The following RSRP1 variants were observed in gnomAD, a reference collection of about 807,000 sequenced individuals.
RSRP1 encodes arginine and serine rich protein 1.
A neutral mutation model predicts 33.0 loss-of-function variants in RSRP1; 37 were observed. The observed-to-expected ratio is 1.12, with a 90% CI of 0.86 to 1.48. RSRP1 has a LOEUF of 1.48. RSRP1 is among the 40% of genes most tolerant of loss of function. The pLI, the probability that RSRP1 is intolerant of heterozygous loss-of-function variation, is 0.00. For synonymous variants in RSRP1, 167 were observed against 158.7 expected, an observed-to-expected ratio of 1.05 and a Z score of -0.40; for missense variants, 402 against 385.3, an observed-to-expected ratio of 1.04 and a Z score of -0.36.
chr1:25,253,578 C>G (rs1639857338), intron 1 of RSRP1: 1 of 152,204 alleles, frequency 6.6e-6, no homozygotes, highest in African/African-American at 2.4e-5. Flanking sequence ...TCAGGCTGGT[C>G]TCGAACTCCC....
At chr1:25,315,017 A>G (rs945805661) in intron 1 of RSRP1, among the ~76,000 whole-genome samples, 2 of 129,616 alleles carry the variant, frequency 1.5e-5, no homozygotes, top group African/African-American at 5.3e-5. Context: ...ATCCTGGCCA[A>G]CATGGTGAAG....
At chr1:25,287,137 A>G (rs55646708) in intron 1 of RSRP1, among the ~76,000 whole-genome samples, 12,974 of 134,556 alleles carry the variant, frequency 0.096, 3,250 homozygotes, top group African/African-American at 0.31. Flanking sequence ...AATTCCCACC[A>G]GAATTCAATA....
At chr1:25,291,689 T>G (rs1642522181) in intron 1 of RSRP1, among the ~76,000 whole-genome samples, 1 of 132,468 alleles carries the variant, frequency 7.5e-6, no homozygotes, top group Non-Finnish European at 1.8e-5. Flanking sequence ...TCCAGCAAGT[T>G]TGTACAGCCA....
At chr1:25,255,133 G>A (rs969007094) in intron 1 of RSRP1, among the ~76,000 whole-genome samples, 2 of 152,100 alleles carry the variant, frequency 1.3e-5, no homozygotes, top group African/African-American at 4.8e-5. Flanking sequence ...ATTTAACTTC[G>A]GTGATGGCAC....
At chr1:25,258,165 A>C (rs942101218) in intron 1 of RSRP1, among the ~76,000 whole-genome samples, 1 of 152,060 alleles carries the variant, frequency 6.6e-6, no homozygotes, top group Admixed American at 6.6e-5. Flanking sequence ...CTACACTACA[A>C]AAATGCATAA....
rs1208943081 is a variant in RSRP1 at position 25,272,829 on chromosome 1, G to A, written c.-66-25800C>T. 42 of 1,134,720 alleles carry A rather than the reference G, an allele frequency of 3.7e-5. 8 individuals carry two copies. Among genetic ancestry groups the A allele is most frequent in the South Asian group, 3.7e-4 (28 of 76,018 alleles). The allele number at this position is 1,134,720 out of a possible 1,614,324, so 70.3% of individuals were successfully genotyped here. On this transcript the variant is annotated intron_variant, in intron 1 of 1. Coordinates refer to the RSRP1 transcript ENST00000561867. ...GAAAAAGATTCCCCCATCTTCTTCC[G>A]TAGATTGCACCGAAATTCAGCCAAC...
Position 25,290,633 on chromosome 1 carries a change from T to C in RSRP1, c.-66-43604A>G. ...CTCAGTCGTCCTGGCTCTCCCTCTC[T>C]CCCCCAGTATTCGGCTGGCCACCAT... On this transcript the variant is annotated intron_variant, in intron 1 of 1. Transcript: ENST00000561867. The C allele has an allele frequency of 1.5e-6, 2 of 1,374,510 alleles. 1 individual carries two copies. Among genetic ancestry groups the C allele is most frequent in the Non-Finnish European group, 2.1e-6 (2 of 974,792 alleles). The allele number at this position is 1,374,510 out of a possible 1,614,324, so 85.1% of individuals were successfully genotyped here.
At position 25,312,104 on chromosome 1, in the gene RSRP1, C is replaced by A. The variant is rs1198767128; in HGVS notation, c.-67+25874G>T. ...GCAAAACCACAGGGGCAGAGCTCCC[C>A]GAAGCTTCGGGGGTCCAAATTCCAT... is the stretch of plus-strand genomic sequence containing the variant. On this transcript the variant is annotated intron_variant, in intron 1 of 1. Transcript: ENST00000561867. 3.1e-5 allele frequency among the ~76,000 whole-genome samples: 3 copies of A among 97,130 alleles called. No individual in the cohort carries two copies. In the East Asian group the frequency reaches 6.5e-4, roughly 21 times the overall value. The allele number at this position is 97,130 out of a possible 152,430, so 63.7% of individuals were successfully genotyped here.
intron 1 of RSRP1, among the ~76,000 whole-genome samples, chr1:25,252,556 G>A (rs1406267261): frequency 3.1e-4 from 45 of 145,334 alleles, no homozygotes; most frequent in Non-Finnish European, 4.5e-4. Context: ...TTTTTGAGAC[G>A]GAGTTTCACT....
chr1:25,263,194 T>C (rs1280558234), intron 1 of RSRP1, among the ~76,000 whole-genome samples: 1 of 151,944 alleles, frequency 6.6e-6, no homozygotes, highest in Non-Finnish European at 1.5e-5. Context: ...AGAAGCCATG[T>C]GACAGAGAAG....
intron 1 of RSRP1, among the ~76,000 whole-genome samples, chr1:25,264,734 T>TGGG (rs1283772520): frequency 9.1e-6 from 1 of 110,060 alleles, no homozygotes. Flanking sequence ...AAATGGGAAT[T>TGGG]TTTCTTTTCT....
intron 1 of RSRP1, among the ~76,000 whole-genome samples, chr1:25,305,037 A>T (rs1412286185): frequency 7.5e-6 from 1 of 132,740 alleles, no homozygotes. Flanking sequence ...GCTATAGTTT[A>T]GTGAGCGAAA....
intron 1 of RSRP1, among the ~76,000 whole-genome samples, chr1:25,312,353 TCTCC>T (rs1449436815): frequency 1.9e-5 from 2 of 102,652 alleles, no homozygotes; most frequent in Non-Finnish European, 4.7e-5. Context: ...CCAGAGGGAA[TCTCC>T]CATAGAATGA....
At chr1:25,333,907 C>T (rs1387780284) in intron 1 of RSRP1, among the ~76,000 whole-genome samples, 2 of 129,462 alleles carry the variant, frequency 1.5e-5, no homozygotes, top group Non-Finnish European at 1.8e-5. Flanking sequence ...TCAGTTACCT[C>T]CCACTGGGTC....
rs767258096 is a variant in RSRP1, at chr1:25,242,358, T to C, written c.*231A>G. On this transcript the variant is annotated 3_prime_UTR_variant, in exon 5 of 5. Coordinates refer to ENST00000243189, the MANE Select transcript of RSRP1 (RefSeq NM_020317.5). ...AACCAAGACAATATTTACAACTATATACAAAAGACTCCCACCTGTGCATAA... is the reference window on the plus strand; with the variant it reads ...AACCAAGACAATATTTACAACTATACACAAAAGACTCCCACCTGTGCATAA... 2 of 332,808 alleles carry C rather than the reference T, an allele frequency of 6.0e-6. No homozygotes were observed. The highest frequency in any genetic ancestry group is 2.1e-5 in the African/African-American group (1 of 47,514). The allele number at this position is 332,808 out of a possible 1,614,324, so 20.6% of individuals were successfully genotyped here. A position where few individuals can be genotyped will look rare whatever the true frequency, so the allele number is the denominator to read the frequency against.
intron 1 of RSRP1, among the ~76,000 whole-genome samples, chr1:25,278,488 G>A (rs533141408): frequency 3.8e-5 from 5 of 132,044 alleles, no homozygotes; most frequent in African/African-American, 1.3e-4. Flanking sequence ...CAGCTGGGCA[G>A]TTCTTCTGTT....
rs1246266953 is a variant in RSRP1 at position 25,264,158 on chromosome 1, G to A, written c.-66-17129C>T. On this transcript the variant is annotated intron_variant, in intron 1 of 1. Transcript: ENST00000561867. ...AGGTACACGGTGCAAGCTGTCGGTGGATCTACCATTCTGGGGTCTGGAGGA... is the reference window on the plus strand; with the variant it reads ...AGGTACACGGTGCAAGCTGTCGGTGAATCTACCATTCTGGGGTCTGGAGGA... Among the ~76,000 whole-genome samples, 6 of 151,850 alleles carry A rather than the reference G, an allele frequency of 4.0e-5. 1 individual carries two copies. The highest frequency in any genetic ancestry group is 4.2e-4 in the South Asian group (2 of 4,818).
At position 25,245,494 on chromosome 1, in the gene RSRP1, TC is replaced by T. The variant is rs577020403; in HGVS notation, c.521-194del. Among the ~76,000 whole-genome samples the T allele has an allele frequency of 3.4e-4, 51 of 152,226 alleles. No individual in the cohort carries two copies. The South Asian group carries it at 0.01, about 31-fold the overall frequency. On this transcript the variant is annotated intron_variant, in intron 2 of 4. Transcript: ENST00000243189. ...TGGTCCACTTTATACTTGTTTTTTC[TC>T]CCCCTTACTAAATGCAGATAGAAAG...
intron 1 of RSRP1, among the ~76,000 whole-genome samples, chr1:25,310,475 A>T (rs559233296): frequency 7.6e-6 from 1 of 132,054 alleles, no homozygotes; most frequent in African/African-American, 2.5e-5. Flanking sequence ...CTGTGAGCTA[A>T]ATCAATTTAT....
Sources: gnomAD v4.1 joint callset for allele counts (sites outside exome capture counted in the v4.1 genomes callset) on GRCh38, gnomAD v4.1.1 for gene constraint, MANE v1.5 for transcripts, NCBI Gene and HGNC (gene_info 2026-07-23, HGNC 2026-07-21) for gene names.